ROBO2: variants seen among roughly 807,000 people sequenced by gnomAD.
ROBO2 encodes roundabout homolog 2.
In ROBO2, 53 loss-of-function variants were observed where a neutral mutation model predicts 160.8. That is an observed-to-expected ratio of 0.33 (90% confidence interval 0.26 to 0.41). The LOEUF (loss-of-function observed/expected upper bound fraction) is 0.41, where lower values mean the gene tolerates loss of function less well. Among genes scored for constraint, ROBO2 ranks in the 10% least tolerant of loss-of-function variants. ROBO2 has a pLI of 1.00. For missense variants in ROBO2, 1,577 were observed against 1,722.4 expected, an observed-to-expected ratio of 0.92 and a Z score of 1.49; for synonymous variants, 664 against 611.7, an observed-to-expected ratio of 1.09 and a Z score of -1.26.
chr3:76,404,030 C>G (rs2077995625), intron 2 of ROBO2, among the ~76,000 whole-genome samples: 1 of 151,586 alleles, frequency 6.6e-6, no homozygotes, highest in Non-Finnish European at 1.5e-5. Context: ...TGTATTTTCC[C>G]TCTCTAGGTT....
chr3:77,635,122 C>A, intron 24 of ROBO2, 79 bp downstream of exon 25: 2 of 1,490,160 alleles, frequency 1.3e-6, no homozygotes, highest in Non-Finnish European at 1.8e-6. Flanking sequence ...TTAATGTAGT[C>A]ATGGTAGATT....
intron 2 of ROBO2, among the ~76,000 whole-genome samples, chr3:76,562,338 G>C (rs1390677026): frequency 2.0e-5 from 3 of 151,784 alleles, no homozygotes; most frequent in Non-Finnish European, 4.4e-5. Flanking sequence ...ATAATACTAT[G>C]ATTAGAATGA....
intron 2 of ROBO2, among the ~76,000 whole-genome samples, chr3:76,678,272 A>C (rs2092465322): frequency 6.6e-6 from 1 of 152,084 alleles, no homozygotes; most frequent in Non-Finnish European, 1.5e-5. Flanking sequence ...CACCTGGCTG[A>C]AAATATGCTT....
At chr3:76,201,764 G>A (rs1330865776) in intron 2 of ROBO2, among the ~76,000 whole-genome samples, 2 of 151,810 alleles carry the variant, frequency 1.3e-5, no homozygotes, top group Non-Finnish European at 2.9e-5. Flanking sequence ...GCTGCACAGG[G>A]AATTAGTGCT....
chr3:77,236,804 G>A (rs1181689790), intron 2 of ROBO2, among the ~76,000 whole-genome samples: 1 of 152,162 alleles, frequency 6.6e-6, no homozygotes, highest in Non-Finnish European at 1.5e-5. Flanking sequence ...ATATAGGGTA[G>A]CCTTTTCAGA....
At chr3:77,193,330 T>C (rs995925284) in intron 2 of ROBO2, among the ~76,000 whole-genome samples, 1 of 151,992 alleles carries the variant, frequency 6.6e-6, no homozygotes, top group African/African-American at 2.4e-5. Context: ...GACCAGGTTG[T>C]AGTGCAGTGG....
chr3:76,947,314 TA>T (rs2078620424), intron 2 of ROBO2, among the ~76,000 whole-genome samples: 1 of 152,176 alleles, frequency 6.6e-6, no homozygotes, highest in Non-Finnish European at 1.5e-5. Flanking sequence ...GCCAGAATGT[TA>T]TTTTTTTCTA....
At chr3:77,071,764 A>G (rs1165395541) in intron 1 of ROBO2, among the ~76,000 whole-genome samples, 3 of 152,188 alleles carry the variant, frequency 2.0e-5, no homozygotes, top group African/African-American at 7.2e-5. Context: ...TTCCTATGGC[A>G]AAGGGATTGC....
intron 2 of ROBO2, among the ~76,000 whole-genome samples, chr3:76,616,210 T>C (rs1408216687): frequency 6.6e-6 from 1 of 152,230 alleles, no homozygotes; most frequent in Non-Finnish European, 1.5e-5. Context: ...TACCAGCAAA[T>C]TCACTACCTT....
At chr3:76,255,904 C>A (rs1049054873) in intron 2 of ROBO2, among the ~76,000 whole-genome samples, 7 of 151,854 alleles carry the variant, frequency 4.6e-5, no homozygotes, top group South Asian at 2.1e-4. Flanking sequence ...TAAAAAAAAA[C>A]CACACTAAGC....
intron 2 of ROBO2, among the ~76,000 whole-genome samples, chr3:77,304,729 C>T (rs111234244): frequency 0.018 from 2,712 of 152,176 alleles, 37 homozygotes; most frequent in Non-Finnish European, 0.025. Context: ...TTGGAAGAAC[C>T]ATTTCCACTT....
intron 7 of ROBO2, among the ~76,000 whole-genome samples, chr3:77,548,661 C>T (rs191899498): frequency 9.9e-5 from 15 of 151,778 alleles, no homozygotes; most frequent in South Asian, 2.1e-4. Flanking sequence ...CTGTATTTGA[C>T]GAAGTGGCAT....
intron 2 of ROBO2, among the ~76,000 whole-genome samples, chr3:76,744,152 T>G (rs2093846599): frequency 6.6e-6 from 1 of 152,302 alleles, no homozygotes; most frequent in South Asian, 2.1e-4. Flanking sequence ...GTTAGTTTTC[T>G]AGAGCTATCA....
intron 2 of ROBO2, among the ~76,000 whole-genome samples, chr3:76,106,489 C>T (rs897897529): frequency 4.6e-5 from 7 of 151,976 alleles, no homozygotes; most frequent in Non-Finnish European, 1.0e-4. Context: ...TTGAATAGAA[C>T]GTCTTGTCTT....
At chr3:77,270,273 C>T (rs1430439588) in intron 2 of ROBO2, among the ~76,000 whole-genome samples, 2 of 152,114 alleles carry the variant, frequency 1.3e-5, no homozygotes, top group African/African-American at 4.8e-5. Flanking sequence ...TTATGCTAGC[C>T]CAACAAAATG....
intron 2 of ROBO2, among the ~76,000 whole-genome samples, chr3:76,365,379 A>G (rs1200783389): frequency 6.6e-6 from 1 of 152,084 alleles, no homozygotes; most frequent in East Asian, 1.9e-4. Context: ...TTAATATGGT[A>G]ACAATCATGT....
chr3:76,853,301 A>G (rs1247037198), intron 2 of ROBO2, among the ~76,000 whole-genome samples: 1 of 152,138 alleles, frequency 6.6e-6, no homozygotes, highest in Non-Finnish European at 1.5e-5. Context: ...TAAATGTATT[A>G]CTTTTCCAAG....
At chr3:76,220,995 A>G (rs1703929201) in intron 2 of ROBO2, among the ~76,000 whole-genome samples, 1 of 152,146 alleles carries the variant, frequency 6.6e-6, no homozygotes, top group African/African-American at 2.4e-5. Flanking sequence ...TTAGTTTTGC[A>G]TTGAGCTTAA....
intron 2 of ROBO2, among the ~76,000 whole-genome samples, chr3:76,169,435 A>G (rs1380140279): frequency 2.6e-5 from 4 of 152,296 alleles, no homozygotes; most frequent in African/African-American, 9.6e-5. Flanking sequence ...AAGAACTTCT[A>G]TGTCTTTGCC....
Sources: allele counts gnomAD v4.1 joint callset (sites outside exome capture counted in the v4.1 genomes callset), GRCh38; gene constraint gnomAD v4.1.1; transcripts MANE v1.5; gene names NCBI Gene and HGNC (gene_info 2026-07-23, HGNC 2026-07-21).